The following TUFM variants were observed in gnomAD, a reference collection of about 807,000 sequenced individuals.
The protein encoded by TUFM is Tu translation elongation factor, mitochondrial, also known as elongation factor Tu, mitochondrial.
In TUFM, 23 loss-of-function variants were observed where a neutral mutation model predicts 45.0. That is an observed-to-expected ratio of 0.51 (90% CI 0.37 to 0.72). TUFM has a LOEUF of 0.72. Ranked by LOEUF, TUFM falls within the 30% of genes least tolerant of loss-of-function variation. The pLI is 0.00. For synonymous variants in TUFM, 243 were observed against 252.9 expected (o/e 0.96, Z 0.37); for missense variants, 490 against 610.7 (o/e 0.80, Z 2.08).
chr16:28,846,228 GGGCGTCGCGC>G lies in TUFM; in HGVS notation c.32_41del (p.Arg11ProfsTer21). ...TCCCTGACCACTCACCGCTGAAGTG[GGGCGTCGCGC>G]GCAGCAGGGTGGCGGCCGCCATTGT... On this transcript the variant is annotated frameshift_variant, in exon 1 of 10. Coordinates refer to ENST00000313511, the MANE Select transcript of TUFM (RefSeq NM_003321.5). LOFTEE classifies it high-confidence loss of function. 1 of 1,574,862 alleles carries G rather than the reference GGGCGTCGCGC, an allele frequency of 6.3e-7. No individual in the cohort carries two copies. The highest frequency in any genetic ancestry group is 8.6e-7 in the Non-Finnish European group (1 of 1,160,582).
chr16:28,844,317 T>C lies in TUFM; in HGVS notation c.835A>G (p.Thr279Ala). ...AAAATGCCACGCTCTAGTGTACCTGTCACCACGGTGCCACGGCCTGGGAGG... is the reference window on the plus strand; with the variant it reads ...AAAATGCCACGCTCTAGTGTACCTGCCACCACGGTGCCACGGCCTGGGAGG... ...YSVPGRGTVVTGTLERGILKK... is the reference protein window; with the variant it reads ...YSVPGRGTVVAGTLERGILKK... The change falls in exon 7 of 10, where the codon ACA (threonine) becomes GCA (alanine). Residue 279 changes from threonine (T) to alanine (A), a missense_variant. Physicochemically the swap from Thr to Ala is moderately conservative, Grantham distance 58. Coordinates refer to ENST00000313511, the MANE Select transcript of TUFM (RefSeq NM_003321.5). This position sits in a 1 kb window ranked among gnomAD's most constrained non-coding sequence, Gnocchi z 5.8. 3 of 1,614,164 alleles carry C rather than the reference T, an allele frequency of 1.9e-6. No homozygotes were observed. Among genetic ancestry groups the C allele is most frequent in the South Asian group, 1.1e-5 (1 of 91,086 alleles).
At chr16:28,843,682 A>C (rs1961856898) in intron 9 of TUFM, 54 bp downstream of exon 9, 2 of 1,609,918 alleles carry the variant, frequency 1.2e-6, no homozygotes, top group Non-Finnish European at 1.7e-6. Context: ...TGAGTGAAGC[A>C]AAGGTAATAT....
chr16:28,845,604 G>A, intron 2 of TUFM, 124 bp from the exon 3 acceptor site: 1 of 1,257,160 alleles, frequency 8.0e-7, no homozygotes, highest in East Asian at 2.5e-5. Context: ...TCTTCCAGCA[G>A]AGAGAACTGT....
rs936392572 is a variant in TUFM, at chr16:28,842,657, G to A, written c.*318C>T. On this transcript the variant is annotated 3_prime_UTR_variant, in exon 10 of 10. Transcript: ENST00000313511. ...CCTACTGTGTCTAGGCAATCACTAA[G>A]CTCACTGGACTTGATTTATCCGTTA... 1 of 410,018 alleles carries A rather than the reference G, an allele frequency of 2.4e-6. No individual in the cohort carries two copies. The highest frequency in any genetic ancestry group is 4.6e-6 in the Non-Finnish European group (1 of 217,304). 25.4% of individuals were successfully genotyped at this position (410,018 alleles called of 1,614,324 possible).
In TUFM at chr16:28,844,937, C is replaced by G. The variant is rs767512015; in HGVS notation, c.519+14G>C. On this transcript the variant is annotated intron_variant, in intron 4 of 9. Coordinates refer to ENST00000313511, the MANE Select transcript of TUFM (RefSeq NM_003321.5). The surrounding 1 kb of genome is among the most constrained non-coding windows in gnomAD (Gnocchi z 5.8). ...CACTCTTCCCTTTTGCATCCTTACCCAGGCTCTGAGTACCTGTCTGGCCAG... is the reference window on the plus strand; with the variant it reads ...CACTCTTCCCTTTTGCATCCTTACCGAGGCTCTGAGTACCTGTCTGGCCAG... 6.2e-7 allele frequency: 1 copy of G among 1,614,180 alleles called. No homozygotes were observed. Among genetic ancestry groups the G allele is most frequent in the Admixed American group, 1.7e-5 (1 of 60,020 alleles).
Position 28,845,602 on chromosome 16 carries a change from C to T in TUFM, c.248-122G>A, listed in dbSNP as rs934411109. The stretch of plus-strand genomic sequence containing the variant: ...CTCCTCCAATCTCTAACTCTTCCAG[C>T]AGAGAGAACTGTGGGTCAGAAAGAA... On this transcript the variant is annotated intron_variant, in intron 2 of 9. Coordinates refer to ENST00000313511, the MANE Select transcript of TUFM (RefSeq NM_003321.5). 13 of 1,260,692 alleles carry T rather than the reference C, an allele frequency of 1.0e-5. No homozygotes were observed. In the African/African-American group the frequency reaches 1.3e-4, roughly 13 times the overall value. The allele number at this position is 1,260,692 out of a possible 1,614,324, so 78.1% of individuals were successfully genotyped here.
chr16:28,843,902 T>C, intron 8 of TUFM, 47 bp from the exon 9 acceptor site: 1 of 1,614,064 alleles, frequency 6.2e-7, no homozygotes, highest in Non-Finnish European at 8.5e-7. Flanking sequence ...GGCTGGAGGC[T>C]GGGGAGAGCT....
chr16:28,846,291 G>C lies in TUFM; in HGVS notation c.-22C>G, dbSNP rs548579608. On this transcript the variant is annotated 5_prime_UTR_variant, in exon 1 of 10. Coordinates refer to ENST00000313511, the MANE Select transcript of TUFM (RefSeq NM_003321.5). ...TCATACTCGCGCCCCGGTAACCGGGGAGCCGGGACCAGGAGCCCGAGCGCA... is the reference window on the plus strand; with the variant it reads ...TCATACTCGCGCCCCGGTAACCGGGCAGCCGGGACCAGGAGCCCGAGCGCA... 8.4e-6 allele frequency: 13 copies of C among 1,550,204 alleles called. No homozygotes were observed. The East Asian group carries it at 2.4e-4, about 29-fold the overall frequency.
At position 28,846,330 on chromosome 16, in the gene TUFM, G is replaced by C; in HGVS notation, c.-61C>G. On this transcript the variant is annotated 5_prime_UTR_variant, in exon 1 of 10. Coordinates refer to ENST00000313511, the MANE Select transcript of TUFM (RefSeq NM_003321.5). ...AGCCCGAGCGCACAGAAGAAGAAGG[G>C]CGCCTGCGGCTGGAAGGCACTTCCG... 7.3e-6 allele frequency: 11 copies of C among 1,512,310 alleles called. No homozygotes were observed. Among genetic ancestry groups the C allele is most frequent in the East Asian group, 2.5e-5 (1 of 40,398 alleles). The allele number at this position is 1,512,310 out of a possible 1,614,324, so 93.7% of individuals were successfully genotyped here.
At position 28,844,624 on chromosome 16, in the gene TUFM, A is replaced by G; in HGVS notation, c.685-73T>C. 2 of 1,613,722 alleles carry G rather than the reference A, an allele frequency of 1.2e-6. No homozygotes were observed. Among genetic ancestry groups the G allele is most frequent in the Non-Finnish European group, 1.7e-6 (2 of 1,180,024 alleles). On this transcript the variant is annotated intron_variant, in intron 5 of 9. Coordinates refer to ENST00000313511, the MANE Select transcript of TUFM (RefSeq NM_003321.5). This position sits in a 1 kb window ranked among gnomAD's most constrained non-coding sequence, Gnocchi z 5.8. Reference sequence around the variant, plus strand: ...TCGATTATCAAGAGCCACTTCCCAGACACAAAGCAGAGCTCTGGGTGCCCA... The same window carrying G: ...TCGATTATCAAGAGCCACTTCCCAGGCACAAAGCAGAGCTCTGGGTGCCCA...
chr16:28,845,474 G>A lies in TUFM; in HGVS notation c.254C>T (p.Ala85Val). The change falls in exon 3 of 10, where the codon GCT (alanine) becomes GTT (valine). Residue 85 changes from alanine (A) to valine (V), a missense_variant. By Grantham distance (64) the Ala-to-Val change is moderately conservative. Transcript: ENST00000313511. The stretch of plus-strand genomic sequence containing the variant: ...CTTGAACTTAGCCCCACCTCCCTCA[G>A]CTAGAACTAAAGGAGGAAAAGAACA... ...TLTAAITKIL[A>V]EGGGAKFKKY... is the part of the protein sequence containing the mutation. 1 of 1,614,116 alleles carries A rather than the reference G, an allele frequency of 6.2e-7. No individual in the cohort carries two copies. Among genetic ancestry groups the A allele is most frequent in the Non-Finnish European group, 8.5e-7 (1 of 1,180,032 alleles).
chr16:28,843,877 C>CA, intron 8 of TUFM, 22 bp from the exon 9 acceptor site: 1 of 1,614,088 alleles, frequency 6.2e-7, no homozygotes, highest in Non-Finnish European at 8.5e-7. Context: ...CAAGCAATGA[C>CA]GGTGAGCTGG....
rs1961877571 is a variant in TUFM at position 28,844,362 on chromosome 16, G to A, written c.818-28C>T. The stretch of plus-strand genomic sequence containing the variant: ...GGGAGGGAATAAGACAGGATATCAG[G>A]GACCCCGAGCTAGGCTTCTGCTAGA... On this transcript the variant is annotated intron_variant, in intron 6 of 9. Transcript: ENST00000313511. The surrounding 1 kb of genome is among the most constrained non-coding windows in gnomAD (Gnocchi z 5.8). 5.6e-6 allele frequency: 9 copies of A among 1,613,984 alleles called. No individual in the cohort carries two copies. Among genetic ancestry groups the A allele is most frequent in the Non-Finnish European group, 7.6e-6 (9 of 1,180,026 alleles).
At position 28,844,825 on chromosome 16, in the gene TUFM, G is replaced by A; in HGVS notation, c.557C>T (p.Ala186Val). The A allele has an allele frequency of 6.2e-7, 1 of 1,614,196 alleles. No homozygotes were observed. Among genetic ancestry groups the A allele is most frequent in the Non-Finnish European group, 8.5e-7 (1 of 1,180,026 alleles). Residue 186 changes from alanine to valine, a missense_variant, in exon 5 of 10, where the codon GCT becomes GTT. Transcript: ENST00000313511. This position sits in a 1 kb window ranked among gnomAD's most constrained non-coding sequence, Gnocchi z 5.8. ...CATCTCAGAGTCCTGGACAGCGTCAGCCTTGTTCACATACACCACCACATG... is the reference window on the plus strand; with the variant it reads ...CATCTCAGAGTCCTGGACAGCGTCAACCTTGTTCACATACACCACCACATG... ...VEHVVVYVNK[A>V]DAVQDSEMVE...
rs773437806 is a variant in TUFM, at chr16:28,844,517, T to C, written c.719A>G (p.Gln240Arg). 7 of 1,613,954 alleles carry C rather than the reference T, an allele frequency of 4.3e-6. No individual in the cohort carries two copies. Among genetic ancestry groups the C allele is most frequent in the Admixed American group, 1.7e-5 (1 of 60,008 alleles). ...RDPELGLKSV[Q>R]KLLDAVDTYI... is the part of the protein sequence containing the mutation. ...AGTGTCCACAGCATCCAGTAGCTTC[T>C]GCACAGACTTCAGGCCTAACTCAGG... The change falls in exon 6 of 10, where the codon CAG (glutamine) becomes CGG (arginine). Residue 240 changes from glutamine to arginine, a missense_variant. Coordinates refer to ENST00000313511, the MANE Select transcript of TUFM (RefSeq NM_003321.5). This position sits in a 1 kb window ranked among gnomAD's most constrained non-coding sequence, Gnocchi z 5.8.
intron 2 of TUFM, among the ~76,000 whole-genome samples, chr16:28,845,693 T>C (rs1397666665): frequency 6.6e-6 from 1 of 152,174 alleles, no homozygotes; most frequent in Non-Finnish European, 1.5e-5. Flanking sequence ...TTGCAGAGCA[T>C]TCCCCACGAC....
chr16:28,845,241 C>A, intron 3 of TUFM, 73 bp downstream of exon 3: 2 of 1,610,646 alleles, frequency 1.2e-6, no homozygotes, highest in South Asian at 2.2e-5. Flanking sequence ...TTAATCTCCT[C>A]CCCACAAGCC....
chr16:28,843,105 A>G lies in TUFM; in HGVS notation c.1238T>C (p.Leu413Ser). ...TTTCTCTAAGATCATTGGCTGCCGC[A>G]AGATTAGGTTGAACTTCAGGTCCTC... is the stretch of plus-strand genomic sequence containing the variant. The part of the protein sequence containing the change: ...PGEDLKFNLI[L>S]RQPMILEKGQ... The change falls in exon 10 of 10, where the codon TTG (leucine) becomes TCG (serine). Residue 413 changes from leucine (L) to serine (S), a missense_variant. Transcript: ENST00000313511. The G allele has an allele frequency of 6.2e-7, 1 of 1,614,166 alleles. No homozygotes were observed. The highest frequency in any genetic ancestry group is 8.5e-7 in the Non-Finnish European group (1 of 1,180,038).
chr16:28,845,096 C>G (rs1337115960), intron 3 of TUFM, 41 bp from the exon 4 acceptor site: 1 of 1,606,642 alleles, frequency 6.2e-7, no homozygotes, highest in East Asian at 2.2e-5. Flanking sequence ...GTTCAACGAG[C>G]TCTTCAGTTC....
Sources: allele counts gnomAD v4.1 joint callset (sites outside exome capture counted in the v4.1 genomes callset), GRCh38; gene constraint gnomAD v4.1.1; non-coding constraint Gnocchi (gnomAD v3.1); transcripts MANE v1.5; gene names NCBI Gene and HGNC (gene_info 2026-07-23, HGNC 2026-07-21).